SIGLEC8: variants seen among roughly 807,000 people sequenced by gnomAD.
SIGLEC8 encodes the protein sialic acid-binding Ig-like lectin 8.
A neutral mutation model predicts 42.1 loss-of-function variants in SIGLEC8; 32 were observed. The ratio of observed to expected loss-of-function variants is 0.76; its 90% CI spans 0.57 to 1.02. The LOEUF (loss-of-function observed/expected upper bound fraction) is 1.02. Ranked by LOEUF, SIGLEC8 falls within the 50% of genes least tolerant of loss-of-function variation. The pLI is 0.00. For missense variants in SIGLEC8, 611 were observed against 610.2 expected, an observed-to-expected ratio of 1.00 and a Z score of -0.01; for synonymous variants, 262 against 260.3, an observed-to-expected ratio of 1.01 and a Z score of -0.06.
At position 51,457,593 on chromosome 19, in the gene SIGLEC8, G is replaced by C. The variant is rs142776125; in HGVS notation, c.601C>G (p.Pro201Ala). ...AGCACTGAGGAGCGGGCAGTAGTGG[G>C]GCCCGGGGAGGACACGGAGGCCCCA... ...WIGASVSSPGPTTARSSVLTL... is the reference protein window; with the variant it reads ...WIGASVSSPGATTARSSVLTL... The change falls in exon 2 of 7, where the codon CCC becomes GCC. Residue 201 changes from proline to alanine, a missense_variant. Coordinates refer to ENST00000321424, the MANE Select transcript of SIGLEC8 (RefSeq NM_014442.3). 6.2e-7 allele frequency: 1 copy of C among 1,613,292 alleles called. No homozygotes were observed. Among genetic ancestry groups the C allele is most frequent in the Admixed American group, 1.7e-5 (1 of 59,890 alleles).
chr19:51,458,157 A>C lies in SIGLEC8; in HGVS notation c.231T>G (p.Ala77=), dbSNP rs1482732117. 4.3e-6 allele frequency: 7 copies of C among 1,613,884 alleles called. No individual in the cohort carries two copies. Among genetic ancestry groups the C allele is most frequent in the Non-Finnish European group, 5.9e-6 (7 of 1,179,972 alleles). The change falls in exon 1 of 7, where the codon GCT becomes GCG. Residue 77 remains alanine (A), a synonymous_variant. Transcript: ENST00000321424. ...TGTCTGGGTTGTTTGTGGCCACTGG[A>C]GCGTCTTGGTATGGTCTGTCTCCTG... is the stretch of plus-strand genomic sequence containing the variant. ...FRAGDRPYQD[A]PVATNNPDRE...
In SIGLEC8 at chr19:51,454,073, G is replaced by C. The variant is rs1301924200; in HGVS notation, c.1245+146C>G. The C allele has an allele frequency of 2.7e-5, 40 of 1,456,956 alleles. No individual in the cohort carries two copies. Among genetic ancestry groups the C allele is most frequent in the Non-Finnish European group, 3.4e-5 (38 of 1,106,792 alleles). The allele number at this position is 1,456,956 out of a possible 1,614,324, so 90.3% of individuals were successfully genotyped here. ...GGGACTGCCATGCTGTCAGCAAGAT[G>C]GGGGAGTCCTGTAGAAGCCGGCCTG... On this transcript the variant is annotated intron_variant, in intron 6 of 6. Transcript: ENST00000321424. The surrounding 1 kb of genome is among the most constrained non-coding windows in gnomAD (Gnocchi z 4.7).
rs1599925960 is a variant in SIGLEC8, at chr19:51,452,257, A to G, written c.*122T>C. The G allele has an allele frequency of 1.0e-4, 76 of 756,600 alleles. No homozygotes were observed. Among genetic ancestry groups the G allele is most frequent in the Non-Finnish European group, 1.3e-5 (6 of 476,510 alleles). 46.9% of individuals were successfully genotyped at this position (756,600 alleles called of 1,614,324 possible). Reference sequence around the variant, plus strand: ...TGGGTAGTAGAAGCTAGAGGCAGGGATGGGTCCCTGGTAGCCGGGGAAAGG... The same window carrying G: ...TGGGTAGTAGAAGCTAGAGGCAGGGGTGGGTCCCTGGTAGCCGGGGAAAGG... On this transcript the variant is annotated 3_prime_UTR_variant, in exon 7 of 7. Transcript: ENST00000321424.
chr19:51,454,164 C>T lies in SIGLEC8; in HGVS notation c.1245+55G>A, dbSNP rs1989433542. On this transcript the variant is annotated intron_variant, in intron 6 of 6. Transcript: ENST00000321424. The surrounding 1 kb of genome is among the most constrained non-coding windows in gnomAD (Gnocchi z 4.7). ...CAAAGAGAGCGATCCTGGGGGCCAT[C>T]CTGTCAGAGGTGTCCAGGCTGGATG... The T allele has an allele frequency of 5.0e-6, 8 of 1,608,832 alleles. No individual in the cohort carries two copies. The highest frequency in any genetic ancestry group is 1.3e-5 in the African/African-American group (1 of 74,622).
Position 51,452,405 on chromosome 19 carries a change from G to T in SIGLEC8, c.1474C>A (p.Pro492Thr). The change falls in exon 7 of 7, where the codon CCC becomes ACC. Residue 492 changes from proline to threonine, a missense_variant. Coordinates refer to ENST00000321424, the MANE Select transcript of SIGLEC8 (RefSeq NM_014442.3). ...CAGCCTCTGACTTCTTTGCTGGAGG[G>T]GTTGTGATTCCTCAAACAGGCCTGA... ...ETQACLRNHN[P>T]SSKEVRG 1 of 1,606,850 alleles carries T rather than the reference G, an allele frequency of 6.2e-7. No homozygotes were observed. The highest frequency in any genetic ancestry group is 8.5e-7 in the Non-Finnish European group (1 of 1,173,906).
At chr19:51,453,636 A>G (rs1989420882) in intron 6 of SIGLEC8, 1 of 581,010 alleles carries the variant, frequency 1.7e-6, no homozygotes, top group Non-Finnish European at 2.2e-6. Context: ...CAGAGGTTGC[A>G]GTGAGCCGAG....
chr19:51,458,216 C>T lies in SIGLEC8; in HGVS notation c.172G>A (p.Asp58Asn), dbSNP rs762569046. The change falls in exon 1 of 7, where the codon GAC (aspartate) becomes AAC (asparagine). Residue 58 changes from aspartate (D) to asparagine (N), a missense_variant. Coordinates refer to ENST00000321424, the MANE Select transcript of SIGLEC8 (RefSeq NM_014442.3). Reference protein sequence around the residue: ...SFSYPQDGWTDSDPVHGYWFR... With the variant: ...SFSYPQDGWTNSDPVHGYWFR... ...CAGTAGCCATGAACTGGGTCAGAGT[C>T]AGTCCAGCCATCCTGGGGGTAGGAG... The T allele has an allele frequency of 1.9e-6, 3 of 1,614,028 alleles. No individual in the cohort carries two copies. The highest frequency in any genetic ancestry group is 1.7e-5 in the Admixed American group (1 of 60,008).
rs896772666 is a variant in SIGLEC8 at position 51,455,803 on chromosome 19, T to G, written c.782-116A>C. ...ATGTTTATTGTGGCACTATTCACAA[T>G]AGCAAAGACTTGGAACCAGCCCAAA... On this transcript the variant is annotated intron_variant, in intron 3 of 6. Coordinates refer to ENST00000321424, the MANE Select transcript of SIGLEC8 (RefSeq NM_014442.3). 4 of 963,662 alleles carry G rather than the reference T, an allele frequency of 4.2e-6. No homozygotes were observed. In the East Asian group the frequency reaches 7.9e-5, roughly 19 times the overall value. 59.7% of individuals were successfully genotyped at this position (963,662 alleles called of 1,614,324 possible). A position where few individuals can be genotyped will look rare whatever the true frequency, so the allele number is the denominator to read the frequency against.
intron 6 of SIGLEC8, 23 bp from the exon 7 acceptor site, chr19:51,452,656 G>A: frequency 1.3e-6 from 2 of 1,497,872 alleles, no homozygotes; most frequent in Non-Finnish European, 1.8e-6. Flanking sequence ...AGAGAAGGGA[G>A]TCAGAACAGA....
chr19:51,452,315 A>C lies in SIGLEC8; in HGVS notation c.*64T>G. The C allele has an allele frequency of 7.1e-7, 1 of 1,411,800 alleles. No individual in the cohort carries two copies. Among genetic ancestry groups the C allele is most frequent in the Non-Finnish European group, 9.6e-7 (1 of 1,042,994 alleles). The allele number at this position is 1,411,800 out of a possible 1,614,324, so 87.5% of individuals were successfully genotyped here. A position where few individuals can be genotyped will look rare whatever the true frequency, so the allele number is the denominator to read the frequency against. ...TTGGTCCAAGTTTTGGTTAGACAGGAGGAGGGAGCCCTGGTGACCTACTGC... is the reference window on the plus strand; with the variant it reads ...TTGGTCCAAGTTTTGGTTAGACAGGCGGAGGGAGCCCTGGTGACCTACTGC... On this transcript the variant is annotated 3_prime_UTR_variant, in exon 7 of 7. Transcript: ENST00000321424.
chr19:51,454,575 G>T lies in SIGLEC8; in HGVS notation c.1148+109C>A, dbSNP rs548854480. The T allele has an allele frequency of 1.4e-5, 15 of 1,092,892 alleles. No individual in the cohort carries two copies. The South Asian group carries it at 1.6e-4, about 12-fold the overall frequency. The allele number at this position is 1,092,892 out of a possible 1,614,324, so 67.7% of individuals were successfully genotyped here. ...ACCGTGCACCCGTGAGCTCATTCTT[G>T]CCCCAAGCCCTGGACCCATCCAGGT... On this transcript the variant is annotated intron_variant, in intron 5 of 6. Transcript: ENST00000321424. The surrounding 1 kb of genome is among the most constrained non-coding windows in gnomAD (Gnocchi z 4.7).
Position 51,454,084 on chromosome 19 carries a change from G to A in SIGLEC8, c.1245+135C>T, listed in dbSNP as rs545641390. On this transcript the variant is annotated intron_variant, in intron 6 of 6. Coordinates refer to ENST00000321424, the MANE Select transcript of SIGLEC8 (RefSeq NM_014442.3). This position sits in a 1 kb window ranked among gnomAD's most constrained non-coding sequence, Gnocchi z 4.7. ...GCTGTCAGCAAGATGGGGGAGTCCTGTAGAAGCCGGCCTGTGGGAAGGAGG... is the reference window on the plus strand; with the variant it reads ...GCTGTCAGCAAGATGGGGGAGTCCTATAGAAGCCGGCCTGTGGGAAGGAGG... 6.8e-6 allele frequency: 10 copies of A among 1,476,222 alleles called. No individual in the cohort carries two copies. Among genetic ancestry groups the A allele is most frequent in the South Asian group, 4.1e-5 (3 of 73,190 alleles). 91.4% of individuals were successfully genotyped at this position (1,476,222 alleles called of 1,614,324 possible). A position where few individuals can be genotyped will look rare whatever the true frequency, so the allele number is the denominator to read the frequency against.
Position 51,455,443 on chromosome 19 carries a change from G to A in SIGLEC8, c.1026C>T (p.Ser342=), listed in dbSNP as rs761246511. Residue 342 remains serine (S), a synonymous_variant, in exon 4 of 7, where the codon AGC becomes AGT. Transcript: ENST00000321424. ...CTGTGCCCTCATTCTGCAGGGAGAGGCTCAGGGAAATGTGCTGGGAGCCCT... is the reference window on the plus strand; with the variant it reads ...CTGTGCCCTCATTCTGCAGGGAGAGACTCAGGGAAATGTGCTGGGAGCCCT... ...NAQGSQHISL[S]LSLQNEGTGT... is the part of the protein sequence containing the mutation. The A allele has an allele frequency of 3.1e-6, 5 of 1,613,918 alleles. No homozygotes were observed. The highest frequency in any genetic ancestry group is 4.2e-6 in the Non-Finnish European group (5 of 1,179,978).
Position 51,451,447 on chromosome 19 carries a change from G to A in SIGLEC8, c.*932C>T, listed in dbSNP as rs1989363028. On this transcript the variant is annotated 3_prime_UTR_variant, in exon 7 of 7. Transcript: ENST00000321424. ...ACCTGTCTTGTTCCTGAGACTCTAGGCCATTGCTGCTCCCTCTTTTGTAAA... is the reference window on the plus strand; with the variant it reads ...ACCTGTCTTGTTCCTGAGACTCTAGACCATTGCTGCTCCCTCTTTTGTAAA... The A allele has an allele frequency of 6.6e-6, 1 of 152,166 alleles. No individual in the cohort carries two copies. The highest frequency in any genetic ancestry group is 1.5e-5 in the Non-Finnish European group (1 of 68,048). 9.4% of individuals were successfully genotyped at this position (152,166 alleles called of 1,614,324 possible). A position where few individuals can be genotyped will look rare whatever the true frequency, so the allele number is the denominator to read the frequency against.
At position 51,455,550 on chromosome 19, in the gene SIGLEC8, A is replaced by T; in HGVS notation, c.919T>A (p.Ser307Thr). 6.2e-7 allele frequency: 1 copy of T among 1,614,032 alleles called. No individual in the cohort carries two copies. Among genetic ancestry groups the T allele is most frequent in the Non-Finnish European group, 8.5e-7 (1 of 1,179,974 alleles). The change falls in exon 4 of 7, where the codon TCC (serine) becomes ACC (threonine). Residue 307 changes from serine (S) to threonine (T), a missense_variant. Transcript: ENST00000321424. The part of the protein sequence containing the change: ...RGSLTLCPSR[S>T]SNPGLLELPR... ...AGCTCCAGCAGCCCAGGGTTTGAGGACCGTGAGGGGCACAGGGTCAGGCTC... is the reference window on the plus strand; with the variant it reads ...AGCTCCAGCAGCCCAGGGTTTGAGGTCCGTGAGGGGCACAGGGTCAGGCTC...
chr19:51,454,693 A>T lies in SIGLEC8; in HGVS notation c.1139T>A (p.Ile380Asn). ...TALAFLSFCI[I>N]FIIVRSCRKK... The stretch of plus-strand genomic sequence containing the variant: ...CAGGGTCAATGCTCACATGATGAAG[A>T]TGATGCAGAAGGACAGGAAGGCCAG... Residue 380 changes from isoleucine (I) to asparagine (N), a missense_variant, in exon 5 of 7, where the codon ATC becomes AAC. By Grantham distance (149) the Ile-to-Asn change is moderately radical. Coordinates refer to ENST00000321424, the MANE Select transcript of SIGLEC8 (RefSeq NM_014442.3). This position sits in a 1 kb window ranked among gnomAD's most constrained non-coding sequence, Gnocchi z 4.7. 1.2e-6 allele frequency: 2 copies of T among 1,612,936 alleles called. No individual in the cohort carries two copies. Among genetic ancestry groups the T allele is most frequent in the Non-Finnish European group, 1.7e-6 (2 of 1,179,146 alleles).
chr19:51,457,809 T>C, intron 1 of SIGLEC8, 70 bp from the exon 2 acceptor site: 1 of 1,547,806 alleles, frequency 6.5e-7, no homozygotes, highest in Non-Finnish European at 8.7e-7. Flanking sequence ...GCTCAAGCTC[T>C]GGTCCAGCTC....
At chr19:51,452,676 C>T (rs2122139342) in intron 6 of SIGLEC8, 43 bp from the exon 7 acceptor site, 4 of 1,447,258 alleles carry the variant, frequency 2.8e-6, no homozygotes, top group Non-Finnish European at 3.7e-6. Context: ...AGCAGTGGGG[C>T]CAGGATGAGG....
At position 51,454,050 on chromosome 19, in the gene SIGLEC8, G is replaced by A. The variant is rs769811546; in HGVS notation, c.1245+169C>T. On this transcript the variant is annotated intron_variant, in intron 6 of 6. Coordinates refer to ENST00000321424, the MANE Select transcript of SIGLEC8 (RefSeq NM_014442.3). This position sits in a 1 kb window ranked among gnomAD's most constrained non-coding sequence, Gnocchi z 4.7. ...TGGCCTGGGAAAAATTGGGGGTAGG[G>A]ACTGCCATGCTGTCAGCAAGATGGG... 2.4e-5 allele frequency: 24 copies of A among 985,248 alleles called. No individual in the cohort carries two copies. Among genetic ancestry groups the A allele is most frequent in the South Asian group, 1.9e-4 (4 of 21,290 alleles). 61.0% of individuals were successfully genotyped at this position (985,248 alleles called of 1,614,324 possible).
Sources: gnomAD v4.1 joint callset for allele counts on GRCh38, gnomAD v4.1.1 for gene constraint, Gnocchi (gnomAD v3.1) non-coding constraint, MANE v1.5 for transcripts, NCBI Gene and HGNC (gene_info 2026-07-23, HGNC 2026-07-21) for gene names.